The following RFTN1 variants were observed in gnomAD, a reference collection of about 807,000 sequenced individuals.
RFTN1 encodes raftlin.
A neutral mutation model predicts 46.5 loss-of-function variants in RFTN1; 26 were observed. The ratio of observed to expected loss-of-function variants is 0.56; its 90% CI spans 0.41 to 0.78. RFTN1 has a LOEUF of 0.78. RFTN1 is among the 30% of genes least tolerant of loss of function. The probability of loss-of-function intolerance (pLI) is 0.00; values close to 1 mark genes in which losing one functional copy is unlikely to be tolerated. For missense variants in RFTN1, 693 were observed against 718.7 expected, an observed-to-expected ratio of 0.96 and a Z score of 0.41; for synonymous variants, 261 against 284.2, an observed-to-expected ratio of 0.92 and a Z score of 0.82.
In RFTN1 at chr3:16,327,878, T is replaced by C. The variant is rs2069887630; in HGVS notation, c.1147-1002A>G. 6.6e-6 allele frequency among the ~76,000 whole-genome samples: 1 copy of C among 152,180 alleles called. No individual in the cohort carries two copies. Among genetic ancestry groups the C allele is most frequent in the Admixed American group, 6.5e-5 (1 of 15,286 alleles). ...GCAGGCGTTCTCACTGCAACAGGCC[T>C]CATTTCTTACTACGGGTTCCTCACT... On this transcript the variant is annotated intron_variant, in intron 7 of 9. Transcript: ENST00000334133. The surrounding 1 kb of genome is among the most constrained non-coding windows in gnomAD (Gnocchi z 4.2).
At chr3:16,369,207 A>G (rs892719479) in intron 6 of RFTN1, among the ~76,000 whole-genome samples, 78 of 152,348 alleles carry the variant, frequency 5.1e-4, no homozygotes, top group African/African-American at 1.8e-3. Context: ...GATTGCAAAC[A>G]ATGTAGAATC....
chr3:16,494,189 C>T (rs1035590592), intron 1 of RFTN1, among the ~76,000 whole-genome samples: 13 of 152,066 alleles, frequency 8.5e-5, no homozygotes, highest in African/African-American at 1.7e-4. Context: ...GCCTCAGTTC[C>T]ACTATAATCT....
intron 7 of RFTN1, chr3:16,350,013 C>T (rs2071985230): frequency 6.6e-6 from 1 of 151,902 alleles, no homozygotes; most frequent in Non-Finnish European, 1.5e-5. Context: ...GTGCTTTACT[C>T]TTCTACTGAG....
chr3:16,334,510 A>G lies in RFTN1; in HGVS notation c.1147-7634T>C, dbSNP rs908828809. 1.2e-4 allele frequency among the ~76,000 whole-genome samples: 19 copies of G among 152,340 alleles called. No homozygotes were observed. Among genetic ancestry groups the G allele is most frequent in the African/African-American group, 4.3e-4 (18 of 41,578 alleles). Reference sequence around the variant, plus strand: ...ACTGGAAACTACTCAAGTGCCCATCAGTGCTGGATTTGTATTTAACATTAT... The same window carrying G: ...ACTGGAAACTACTCAAGTGCCCATCGGTGCTGGATTTGTATTTAACATTAT... On this transcript the variant is annotated intron_variant, in intron 7 of 9. Transcript: ENST00000334133. This position sits in a 1 kb window ranked among gnomAD's most constrained non-coding sequence, Gnocchi z 4.3.
chr3:16,370,280 C>T lies in RFTN1; in HGVS notation c.827-1G>A, dbSNP rs1444388556. On this transcript the variant is annotated splice_acceptor_variant, in intron 5 of 9. Coordinates refer to ENST00000334133, the MANE Select transcript of RFTN1 (RefSeq NM_015150.2). LOFTEE classifies it high-confidence loss of function. The surrounding 1 kb of genome is among the most constrained non-coding windows in gnomAD (Gnocchi z 5.5). ...TTGAAAAGGGTGAAGATCTCCATTT[C>T]TGTTGGGATTTGTAAAGGGAGTGGA... The T allele has an allele frequency of 3.7e-6, 6 of 1,613,514 alleles. No homozygotes were observed. Among genetic ancestry groups the T allele is most frequent in the Non-Finnish European group, 5.1e-6 (6 of 1,179,830 alleles).
rs1210247018 is a variant in RFTN1 at position 16,496,410 on chromosome 3, C to T, written c.-8-2533G>A. Among the ~76,000 whole-genome samples the T allele has an allele frequency of 2.0e-5, 3 of 152,220 alleles. No individual in the cohort carries two copies. In the East Asian group the frequency reaches 5.8e-4, roughly 29 times the overall value. ...GATAAGGAAAAGATACACTACCCAA[C>T]AGCAAACAGGTGAAATGCCCCAACA... On this transcript the variant is annotated intron_variant, in intron 1 of 9. Coordinates refer to ENST00000334133, the MANE Select transcript of RFTN1 (RefSeq NM_015150.2).
In RFTN1 at chr3:16,452,163, A is replaced by T. The variant is rs1392736255; in HGVS notation, c.146-18126T>A. Among the ~76,000 whole-genome samples, 2 of 152,242 alleles carry T rather than the reference A, an allele frequency of 1.3e-5. No homozygotes were observed. Among genetic ancestry groups the T allele is most frequent in the Non-Finnish European group, 2.9e-5 (2 of 68,050 alleles). ...ATTTCATATTTTGGAAACACGGTTGACTATAGGTAACCAAAACCACAGAAA... is the reference window on the plus strand; with the variant it reads ...ATTTCATATTTTGGAAACACGGTTGTCTATAGGTAACCAAAACCACAGAAA... On this transcript the variant is annotated intron_variant, in intron 2 of 9. Coordinates refer to ENST00000334133, the MANE Select transcript of RFTN1 (RefSeq NM_015150.2). The surrounding 1 kb of genome is among the most constrained non-coding windows in gnomAD (Gnocchi z 6.3).
intron 2 of RFTN1, among the ~76,000 whole-genome samples, chr3:16,439,599 A>G (rs927378408): frequency 3.9e-5 from 6 of 152,210 alleles, no homozygotes; most frequent in African/African-American, 1.2e-4. Context: ...TAATATAACA[A>G]TTGTTTTCAA....
Position 16,448,795 on chromosome 3 carries a change from A to G in RFTN1, c.146-14758T>C, listed in dbSNP as rs1360894888. On this transcript the variant is annotated intron_variant, in intron 2 of 9. Coordinates refer to ENST00000334133, the MANE Select transcript of RFTN1 (RefSeq NM_015150.2). The surrounding 1 kb of genome is among the most constrained non-coding windows in gnomAD (Gnocchi z 4.1). ...CCTCCTGAGTCACAAGTCTCACCCCATGCGGGGATTACAGGCTGCGACTCA... is the reference window on the plus strand; with the variant it reads ...CCTCCTGAGTCACAAGTCTCACCCCGTGCGGGGATTACAGGCTGCGACTCA... Among the ~76,000 whole-genome samples, 1 of 152,130 alleles carries G rather than the reference A, an allele frequency of 6.6e-6. No individual in the cohort carries two copies. Among genetic ancestry groups the G allele is most frequent in the Non-Finnish European group, 1.5e-5 (1 of 68,018 alleles).
chr3:16,404,300 T>C lies in RFTN1; in HGVS notation c.441+5075A>G, dbSNP rs1186698963. ...AATATGTAATATATAATATATATAA[T>C]ATGTAATATATATTATATATAATAT... On this transcript the variant is annotated intron_variant, in intron 4 of 9. Coordinates refer to ENST00000334133, the MANE Select transcript of RFTN1 (RefSeq NM_015150.2). Among the ~76,000 whole-genome samples, 10 of 37,124 alleles carry C rather than the reference T, an allele frequency of 2.7e-4. 3 individuals carry two copies. The highest frequency in any genetic ancestry group is 4.1e-4 in the Non-Finnish European group (10 of 24,184). The allele number at this position is 37,124 out of a possible 152,430, so 24.4% of individuals were successfully genotyped here.
At chr3:16,379,220 C>T (rs934767912) in intron 4 of RFTN1, among the ~76,000 whole-genome samples, 2 of 152,196 alleles carry the variant, frequency 1.3e-5, no homozygotes, top group Admixed American at 6.5e-5. Flanking sequence ...GGAGAAGCTG[C>T]CCTGACAGCT....
At position 16,338,260 on chromosome 3, in the gene RFTN1, G is replaced by A. The variant is rs2071049327; in HGVS notation, c.1147-11384C>T. 6.6e-6 allele frequency among the ~76,000 whole-genome samples: 1 copy of A among 152,234 alleles called. No individual in the cohort carries two copies. The highest frequency in any genetic ancestry group is 2.1e-4 in the South Asian group (1 of 4,828). On this transcript the variant is annotated intron_variant, in intron 7 of 9. Transcript: ENST00000334133. The surrounding 1 kb of genome is among the most constrained non-coding windows in gnomAD (Gnocchi z 5.3). ...TGTCTGCCCACACACACCTGCATGA[G>A]CAGAATGAGAACCAGGCAAGGCATG...
rs2076863148 is a variant in RFTN1 at position 16,509,445 on chromosome 3, T to A, written c.-9+3997A>T. ...AGCTTCAATTTCCTCAGGGCTGAAG[T>A]GAAGATAATATAAGTACTCGCCTCT... On this transcript the variant is annotated intron_variant, in intron 1 of 9. Transcript: ENST00000334133. The surrounding 1 kb of genome is among the most constrained non-coding windows in gnomAD (Gnocchi z 4.9). Among the ~76,000 whole-genome samples, 1 of 152,044 alleles carries A rather than the reference T, an allele frequency of 6.6e-6. No homozygotes were observed. The highest frequency in any genetic ancestry group is 2.4e-5 in the African/African-American group (1 of 41,384).
At chr3:16,360,930 A>T (rs1043898171) in intron 6 of RFTN1, among the ~76,000 whole-genome samples, 1 of 152,232 alleles carries the variant, frequency 6.6e-6, no homozygotes, top group Non-Finnish European at 1.5e-5. Flanking sequence ...AATGGTTTAG[A>T]CAAACTTTAA....
At chr3:16,330,301 T>G (rs796987624) in intron 7 of RFTN1, among the ~76,000 whole-genome samples, 10 of 152,378 alleles carry the variant, frequency 6.6e-5, no homozygotes, top group African/African-American at 2.2e-4. Context: ...TAATTAATGT[T>G]AAATGTGATT....
intron 6 of RFTN1, among the ~76,000 whole-genome samples, chr3:16,367,057 T>C (rs73039500): frequency 6.7e-6 from 1 of 149,140 alleles, no homozygotes; most frequent in Non-Finnish European, 1.5e-5. Flanking sequence ...CTGCACTGGG[T>C]AATTCAGGCT....
intron 2 of RFTN1, among the ~76,000 whole-genome samples, chr3:16,470,503 G>A (rs2124947155): frequency 6.6e-6 from 1 of 152,324 alleles, no homozygotes; most frequent in South Asian, 2.1e-4. Context: ...GGCTACTTCA[G>A]CTGGTAGAAT....
At chr3:16,495,481 C>T (rs944605047) in intron 1 of RFTN1, among the ~76,000 whole-genome samples, 1 of 152,210 alleles carries the variant, frequency 6.6e-6, no homozygotes, top group African/African-American at 2.4e-5. Context: ...GGTCTTTGCC[C>T]TCAAGGAGGT....
At position 16,377,839 on chromosome 3, in the gene RFTN1, C is replaced by T. The variant is rs201192638; in HGVS notation, c.705G>A (p.Lys235=). 88 of 1,614,024 alleles carry T rather than the reference C, an allele frequency of 5.5e-5. No homozygotes were observed. The highest frequency in any genetic ancestry group is 7.2e-5 in the Non-Finnish European group (85 of 1,179,996). ...SGPRGEVPLA[K]QPSSPSGEGD... Reference sequence around the variant, plus strand: ...CCTCTCCGGAGGGTGAGCTGGGCTGCTTGGCGAGGGGCACCTCCCCTCTGG... The same window carrying T: ...CCTCTCCGGAGGGTGAGCTGGGCTGTTTGGCGAGGGGCACCTCCCCTCTGG... Residue 235 remains lysine (K), a synonymous_variant, in exon 5 of 10, where the codon AAG becomes AAA. Transcript: ENST00000334133.
Sources: gnomAD v4.1 joint callset for allele counts (sites outside exome capture counted in the v4.1 genomes callset) on GRCh38, gnomAD v4.1.1 for gene constraint, Gnocchi (gnomAD v3.1) non-coding constraint, MANE v1.5 for transcripts, NCBI Gene and HGNC (gene_info 2026-07-23, HGNC 2026-07-21) for gene names.